Variants in TGIF1 observed in about 807,000 individuals in gnomAD.
The protein encoded by TGIF1 is TGFB induced factor homeobox 1.
TGIF1 carries 4 observed loss-of-function variants against 19.3 expected under a neutral mutation model. The observed-to-expected ratio is 0.21, with a 90% confidence interval of 0.10 to 0.47. TGIF1 has a LOEUF of 0.47. Ranked by LOEUF, TGIF1 falls within the 20% of genes least tolerant of loss-of-function variation. The pLI, the probability that TGIF1 is intolerant of heterozygous loss-of-function variation, is 0.98. For missense variants in TGIF1, 275 were observed against 341.4 expected (o/e 0.81, Z 1.53); for synonymous variants, 122 against 129.3 (o/e 0.94, Z 0.38).
At chr18:3,431,823 C>T (rs1037144105) in intron 2 of TGIF1, among the ~76,000 whole-genome samples, 2 of 152,118 alleles carry the variant, frequency 1.3e-5, no homozygotes, top group East Asian at 1.9e-4. Context: ...ATTAAAATCA[C>T]GTGCCACCTA....
intron 2 of TGIF1, among the ~76,000 whole-genome samples, chr18:3,430,904 G>A (rs1354843849): frequency 6.6e-6 from 1 of 152,144 alleles, no homozygotes; most frequent in Non-Finnish European, 1.5e-5. Context: ...GGGTGAAGAA[G>A]TCCTGAGCCT....
chr18:3,417,587 T>C (rs758635654), intron 1 of TGIF1, among the ~76,000 whole-genome samples: 2 of 152,232 alleles, frequency 1.3e-5, no homozygotes, highest in Admixed American at 6.5e-5. Context: ...TTTGTATTTA[T>C]ATAACTATAT....
At chr18:3,427,505 G>A (rs541220838) in intron 2 of TGIF1, among the ~76,000 whole-genome samples, 1 of 149,644 alleles carries the variant, frequency 6.7e-6, no homozygotes, top group African/African-American at 2.5e-5. Flanking sequence ...TGGCTAGGCT[G>A]GTCTCCAACT....
At chr18:3,423,564 C>T (rs888559652) in intron 2 of TGIF1, among the ~76,000 whole-genome samples, 2 of 152,020 alleles carry the variant, frequency 1.3e-5, no homozygotes, top group Non-Finnish European at 1.5e-5. Context: ...GCCTGTGATC[C>T]CAGCTACTCA....
rs147049280 is a variant in TGIF1 at position 3,444,080 on chromosome 18, G to A, written c.-44-12274G>A. ...CTACCGAGCAGCTGGGACTACAGGC[G>A]CGTGCCACCACTGTGCCACCATGCC... is the stretch of plus-strand genomic sequence containing the variant. On this transcript the variant is annotated intron_variant, in intron 2 of 3. Transcript: ENST00000401449. 2.0e-3 allele frequency among the ~76,000 whole-genome samples: 298 copies of A among 151,398 alleles called. 1 individual carries two copies. Among genetic ancestry groups the A allele is most frequent in the African/African-American group, 6.3e-3 (260 of 41,280 alleles).
At chr18:3,417,162 GTTGT>G (rs1179781864) in intron 1 of TGIF1, among the ~76,000 whole-genome samples, 1 of 151,816 alleles carries the variant, frequency 6.6e-6, no homozygotes, top group African/African-American at 2.4e-5. Flanking sequence ...GTTGTTGTTC[GTTGT>G]TTGTTTGTTT....
chr18:3,427,623 G>A (rs996721817), intron 2 of TGIF1, among the ~76,000 whole-genome samples: 2 of 146,432 alleles, frequency 1.4e-5, no homozygotes, highest in South Asian at 2.1e-4. Flanking sequence ...TTTTTGAGAC[G>A]GGGTTTCCCT....
intron 2 of TGIF1, among the ~76,000 whole-genome samples, chr18:3,430,545 C>T (rs908679245): frequency 6.6e-6 from 1 of 152,082 alleles, no homozygotes; most frequent in African/African-American, 2.4e-5. Flanking sequence ...CTCTGTCACC[C>T]AGGCTGGGGT....
At chr18:3,434,797 C>T (rs1171204019) in intron 2 of TGIF1, among the ~76,000 whole-genome samples, 2 of 152,170 alleles carry the variant, frequency 1.3e-5, no homozygotes, top group African/African-American at 4.8e-5. Flanking sequence ...TCGAAGACTT[C>T]ATGATAACAC....
At chr18:3,417,121 T>C (rs971410361) in intron 1 of TGIF1, among the ~76,000 whole-genome samples, 1 of 152,094 alleles carries the variant, frequency 6.6e-6, no homozygotes, top group Non-Finnish European at 1.5e-5. Flanking sequence ...ACTCTAGACG[T>C]CCAGCAAGGT....
intron 1 of TGIF1, chr18:3,452,030 T>C (rs772468438): frequency 7.4e-6 from 12 of 1,611,724 alleles, no homozygotes; most frequent in Non-Finnish European, 1.0e-5. Flanking sequence ...CCCCGCATTG[T>C]TCGGGCTCCG....
intron 2 of TGIF1, among the ~76,000 whole-genome samples, chr18:3,440,275 T>A (rs1403192354): frequency 1.3e-5 from 2 of 150,750 alleles, no homozygotes; most frequent in East Asian, 3.9e-4. Context: ...CGCTTGAACC[T>A]GGGAGGCAGA....
chr18:3,453,072 C>A (rs1314046095), intron 1 of TGIF1, among the ~76,000 whole-genome samples: 1 of 152,056 alleles, frequency 6.6e-6, no homozygotes, highest in East Asian at 1.9e-4. Context: ...GTGTTCAATG[C>A]CTGTTGCTTC....
intron 2 of TGIF1, among the ~76,000 whole-genome samples, chr18:3,439,923 A>G (rs536967871): frequency 6.6e-6 from 1 of 151,916 alleles, no homozygotes; most frequent in African/African-American, 2.4e-5. Context: ...AGGGAGGCTG[A>G]GGTGAGAGAA....
chr18:3,435,204 T>G (rs921646087), intron 2 of TGIF1, among the ~76,000 whole-genome samples: 1 of 152,096 alleles, frequency 6.6e-6, no homozygotes, highest in African/African-American at 2.4e-5. Flanking sequence ...TATATATTTT[T>G]TTTTTTGAGA....
At chr18:3,437,361 C>A (rs2082627334) in intron 2 of TGIF1, among the ~76,000 whole-genome samples, 1 of 152,134 alleles carries the variant, frequency 6.6e-6, no homozygotes, top group Non-Finnish European at 1.5e-5. Flanking sequence ...GCTTAGGCCA[C>A]CTGTTACCAG....
intron 2 of TGIF1, among the ~76,000 whole-genome samples, chr18:3,443,640 A>C (rs1358537621): frequency 6.6e-6 from 1 of 151,510 alleles, no homozygotes. Context: ...GCAATGGCGC[A>C]ATCTCGGCTC....
intron 2 of TGIF1, among the ~76,000 whole-genome samples, chr18:3,427,125 G>T (rs1408209093): frequency 6.6e-6 from 1 of 151,764 alleles, no homozygotes; most frequent in East Asian, 1.9e-4. Flanking sequence ...TGTATTTTTA[G>T]TACAGACGGG....
chr18:3,457,688 C>T lies in TGIF1; in HGVS notation c.567C>T (p.Cys189=). 3 of 1,614,216 alleles carry T rather than the reference C, an allele frequency of 1.9e-6. No individual in the cohort carries two copies. Among genetic ancestry groups the T allele is most frequent in the Non-Finnish European group, 2.5e-6 (3 of 1,180,036 alleles). The change falls in exon 3 of 3, where the codon TGC becomes TGT. Residue 189 remains cysteine, a synonymous_variant. Transcript: ENST00000343820. This position sits in a 1 kb window ranked among gnomAD's most constrained non-coding sequence, Gnocchi z 4.9. ...TALKDVPFSL[C]QSVGVGQNTD... ...TGAAAGATGTCCCTTTCTCTCTCTG[C>T]CAGTCGGTCGGTGTGGGACAAAACA...
Sources: gnomAD v4.1 joint callset for allele counts (sites outside exome capture counted in the v4.1 genomes callset) on GRCh38, gnomAD v4.1.1 for gene constraint, Gnocchi (gnomAD v3.1) non-coding constraint, MANE v1.5 for transcripts, NCBI Gene and HGNC (gene_info 2026-07-23, HGNC 2026-07-21) for gene names.